The following SLC12A2 variants were observed in gnomAD, a reference collection of about 807,000 sequenced individuals.
SLC12A2 encodes the protein Na-K-2Cl cotransporter 1.
Under a neutral mutation model 136.3 loss-of-function variants are expected in SLC12A2, and 67 were observed. The ratio of observed to expected loss-of-function variants is 0.49; its 90% CI spans 0.40 to 0.60. The LOEUF is 0.60. Ranked by LOEUF, SLC12A2 falls within the 20% of genes least tolerant of loss-of-function variation. SLC12A2 has a pLI of 0.00. For synonymous variants in SLC12A2, 619 were observed against 562.9 expected, an observed-to-expected ratio of 1.10 and a Z score of -1.41; for missense variants, 1,322 against 1,534.7, an observed-to-expected ratio of 0.86 and a Z score of 2.32.
chr5:128,171,761 C>T lies in SLC12A2; in HGVS notation c.2803+15C>T, dbSNP rs1763382922. On this transcript the variant is annotated intron_variant, in intron 19 of 26. Transcript: ENST00000262461. ...TCAAGGACAAGGTAAATTTTGTTGG[C>T]AATAAGTTTTTTATTTACAAAAATA... 2 of 1,493,244 alleles carry T rather than the reference C, an allele frequency of 1.3e-6. No individual in the cohort carries two copies. Among genetic ancestry groups the T allele is most frequent in the Non-Finnish European group, 1.8e-6 (2 of 1,103,216 alleles). The allele number at this position is 1,493,244 out of a possible 1,614,324, so 92.5% of individuals were successfully genotyped here. A position where few individuals can be genotyped will look rare whatever the true frequency, so the allele number is the denominator to read the frequency against.
chr5:128,133,023 A>G (rs1581097173), intron 5 of SLC12A2, among the ~76,000 whole-genome samples: 1 of 152,132 alleles, frequency 6.6e-6, no homozygotes. Flanking sequence ...ATCATAGTCC[A>G]TGAATCTAAA....
chr5:128,164,845 TTG>T (rs1332155096), intron 17 of SLC12A2, among the ~76,000 whole-genome samples: 68 of 148,628 alleles, frequency 4.6e-4, no homozygotes, highest in African/African-American at 1.6e-3. Flanking sequence ...CAAAACTGTT[TTG>T]TTTTTTTTTT....
At position 128,180,880 on chromosome 5, in the gene SLC12A2, C is replaced by T; in HGVS notation, c.3101-3C>T. On this transcript the variant is annotated splice_region_variant and splice_polypyrimidine_tract_variant and intron_variant, in intron 22 of 26. Coordinates refer to ENST00000262461, the MANE Select transcript of SLC12A2 (RefSeq NM_001046.3). ...AATGATTTATTACATTTTTATAATTCAGGTTTGACCTTATTGATACCTTAC... is the reference window on the plus strand; with the variant it reads ...AATGATTTATTACATTTTTATAATTTAGGTTTGACCTTATTGATACCTTAC... 6.7e-7 allele frequency: 1 copy of T among 1,502,190 alleles called. No individual in the cohort carries two copies. Among genetic ancestry groups the T allele is most frequent in the Non-Finnish European group, 9.2e-7 (1 of 1,086,728 alleles). The allele number at this position is 1,502,190 out of a possible 1,614,324, so 93.1% of individuals were successfully genotyped here.
intron 15 of SLC12A2, among the ~76,000 whole-genome samples, chr5:128,156,667 T>G (rs1377979064): frequency 6.6e-6 from 1 of 152,164 alleles, no homozygotes; most frequent in African/African-American, 2.4e-5. Context: ...AGTCCACAAG[T>G]AGACAGATGT....
intron 4 of SLC12A2, among the ~76,000 whole-genome samples, chr5:128,128,052 G>A (rs1490935206): frequency 1.3e-5 from 2 of 152,002 alleles, no homozygotes; most frequent in Admixed American, 6.6e-5. Context: ...TATCAAATCA[G>A]TTCAAAATAC....
At chr5:128,088,067 A>G (rs1213812433) in intron 1 of SLC12A2, among the ~76,000 whole-genome samples, 6 of 151,314 alleles carry the variant, frequency 4.0e-5, no homozygotes, top group Non-Finnish European at 7.4e-5. Context: ...GTAAATATAT[A>G]TATTTACATA....
intron 1 of SLC12A2, among the ~76,000 whole-genome samples, chr5:128,093,079 C>A (rs186255851): frequency 3.3e-5 from 5 of 152,082 alleles, no homozygotes; most frequent in Admixed American, 6.6e-5. Flanking sequence ...ATAAATAGTT[C>A]TTGTTAAAGT....
intron 1 of SLC12A2, among the ~76,000 whole-genome samples, chr5:128,095,906 C>T (rs1223741275): frequency 6.6e-6 from 1 of 152,102 alleles, no homozygotes; most frequent in Non-Finnish European, 1.5e-5. Context: ...AGAGTACAGT[C>T]ATTTGTTTTC....
chr5:128,177,017 G>T, intron 20 of SLC12A2, 88 bp from the exon 21 acceptor site: 3 of 741,168 alleles, frequency 4.0e-6, no homozygotes. Flanking sequence ...ATTATATTTT[G>T]TTTATAAATG....
chr5:128,173,977 T>C (rs1445123666), intron 19 of SLC12A2, among the ~76,000 whole-genome samples: 1 of 152,072 alleles, frequency 6.6e-6, no homozygotes, highest in Non-Finnish European at 1.5e-5. Flanking sequence ...TGGGTAGAGT[T>C]TTTCAGTGTT....
chr5:128,110,145 T>C (rs1174731597), intron 1 of SLC12A2: 2 of 877,506 alleles, frequency 2.3e-6, no homozygotes, highest in Non-Finnish European at 4.0e-6. Flanking sequence ...ACTACTTTCT[T>C]TGACTAGAAA....
At chr5:128,103,844 A>G (rs1053405651) in intron 1 of SLC12A2, among the ~76,000 whole-genome samples, 3 of 152,226 alleles carry the variant, frequency 2.0e-5, no homozygotes, top group African/African-American at 7.2e-5. Flanking sequence ...AGAACCCTCA[A>G]TTATCTAATT....
intron 4 of SLC12A2, among the ~76,000 whole-genome samples, chr5:128,126,857 A>G (rs1335316779): frequency 1.3e-5 from 2 of 148,162 alleles, no homozygotes; most frequent in South Asian, 2.1e-4. Flanking sequence ...TTTATCCTAA[A>G]TGGATGGTGA....
chr5:128,143,023 C>T (rs546671979), intron 10 of SLC12A2, among the ~76,000 whole-genome samples: 7 of 152,060 alleles, frequency 4.6e-5, no homozygotes, highest in South Asian at 2.1e-4. Context: ...ATAGGAATTA[C>T]GTTAAACTGG....
chr5:128,152,956 A>C, intron 15 of SLC12A2, 151 bp downstream of exon 15: 1 of 589,790 alleles, frequency 1.7e-6, no homozygotes, highest in Non-Finnish European at 3.1e-6. Context: ...AAGAAAAATT[A>C]ATATCTACCT....
At position 128,138,609 on chromosome 5, in the gene SLC12A2, A is replaced by T. The variant is rs779415832; in HGVS notation, c.1421A>T (p.Asn474Ile). The T allele has an allele frequency of 1.1e-5, 18 of 1,607,952 alleles. No homozygotes were observed. Among genetic ancestry groups the T allele is most frequent in the Admixed American group, 8.6e-5 (5 of 58,260 alleles). The change falls in exon 8 of 27, where the codon AAT becomes ATT. Residue 474 changes from asparagine (N) to isoleucine (I), a missense_variant. By Grantham distance (149) the Asn-to-Ile change is moderately radical (BLOSUM62 -3). Transcript: ENST00000262461. The part of the protein sequence containing the change: ...GFFGYKSEIF[N>I]ENFGPDFREE... Reference sequence around the variant, plus strand: ...TTGTTCTCTGCAGCTGAAATATTTAATGAGAACTTTGGGCCCGATTTTCGA... The same window carrying T: ...TTGTTCTCTGCAGCTGAAATATTTATTGAGAACTTTGGGCCCGATTTTCGA...
chr5:128,166,468 G>GTGTGTGTGTGTGTGTT (rs1385007840), intron 17 of SLC12A2, among the ~76,000 whole-genome samples: 1 of 151,886 alleles, frequency 6.6e-6, no homozygotes, highest in Non-Finnish European at 1.5e-5. Context: ...AAATGTGTGT[G>GTGTGTGTGTGTGTGTT]TGTGTGTGTG....
intron 1 of SLC12A2, chr5:128,109,735 T>TG (rs1159200378): frequency 8.8e-7 from 1 of 1,136,440 alleles, no homozygotes; most frequent in Non-Finnish European, 1.3e-6. Context: ...TCACTAGAGT[T>TG]GGAGTCCAGG....
In SLC12A2 at chr5:128,133,408, G is replaced by A. The variant is rs57093150; in HGVS notation, c.1189-757G>A. Among the ~76,000 whole-genome samples, 18 of 151,946 alleles carry A rather than the reference G, an allele frequency of 1.2e-4. No individual in the cohort carries two copies. In the East Asian group the frequency reaches 3.3e-3, roughly 28 times the overall value. On this transcript the variant is annotated intron_variant, in intron 5 of 26. Transcript: ENST00000262461. ...GTAATTTTTTTCCTCCCTTGTAATT[G>A]ACTTTTATGAAATAATTTCTTTTGA...
Sources: allele counts gnomAD v4.1 joint callset (sites outside exome capture counted in the v4.1 genomes callset), GRCh38; gene constraint gnomAD v4.1.1; transcripts MANE v1.5; gene names NCBI Gene and HGNC (gene_info 2026-07-23, HGNC 2026-07-21).